The following TSLP variants were observed in gnomAD, a reference collection of about 807,000 sequenced individuals.
TSLP encodes thymic stromal lymphopoietin, also known as thymic stroma-derived lymphopoietin.
In TSLP, 12 loss-of-function variants were observed where a neutral mutation model predicts 12.4. The observed-to-expected ratio is 0.97, with a 90% confidence interval of 0.62 to 1.57. The LOEUF (loss-of-function observed/expected upper bound fraction) is 1.57. Among genes scored for constraint, TSLP ranks in the 40% most tolerant of loss-of-function variants. The pLI, the probability that TSLP is intolerant of heterozygous loss-of-function variation, is 0.00. For synonymous variants in TSLP, 97 were observed against 69.5 expected (o/e 1.40, Z -1.97); for missense variants, 222 against 189.6 (o/e 1.17, Z -1.00).
At chr5:111,073,349 C>A in intron 2 of TSLP, 162 bp from the exon 3 acceptor site, 1 of 1,471,398 alleles carries the variant, frequency 6.8e-7, no homozygotes, top group South Asian at 1.4e-5. Flanking sequence ...GCGGTTGGTT[C>A]TTCCTTGCTC....
upstream of TSLP, chr5:111,071,665 C>A: frequency 7.3e-7 from 1 of 1,368,418 alleles, no homozygotes; most frequent in Non-Finnish European, 9.8e-7. Context: ...GAGAAAAGAG[C>A]CCGTAGGCGT....
chr5:111,076,150 A>G lies in TSLP; in HGVS notation c.*76A>G. On this transcript the variant is annotated 3_prime_UTR_variant, in exon 4 of 4. Transcript: ENST00000344895. ...TTAAGTAGATGAAACATTAACTCTA[A>G]CTGTGACAAAGAAGACCACAAATAG... 6.6e-7 allele frequency: 1 copy of G among 1,504,654 alleles called. No homozygotes were observed. The highest frequency in any genetic ancestry group is 1.4e-5 in the African/African-American group (1 of 71,504). 93.2% of individuals were successfully genotyped at this position (1,504,654 alleles called of 1,614,324 possible).
chr5:111,074,962 G>C (rs1269596869), intron 3 of TSLP, among the ~76,000 whole-genome samples: 1 of 152,140 alleles, frequency 6.6e-6, no homozygotes, highest in Non-Finnish European at 1.5e-5. Flanking sequence ...CCATAGCGCT[G>C]ATCTGGGTTG....
upstream of TSLP, chr5:111,071,060 T>A (rs1160553891): frequency 5.9e-6 from 1 of 168,068 alleles, no homozygotes; most frequent in Admixed American, 6.3e-5. Context: ...AGAGTAGGCG[T>A]TTTTCCTGAA....
At chr5:111,075,208 A>AAG (rs1752465148) in intron 3 of TSLP, among the ~76,000 whole-genome samples, 1 of 152,172 alleles carries the variant, frequency 6.6e-6, no homozygotes, top group Non-Finnish European at 1.5e-5. Context: ...ACTAATAATA[A>AAG]TGATTTTGCA....
In TSLP at chr5:111,071,732, A is replaced by T; in HGVS notation, c.-159A>T. 8.2e-7 allele frequency: 1 copy of T among 1,217,054 alleles called. No individual in the cohort carries two copies. Among genetic ancestry groups the T allele is most frequent in the Non-Finnish European group, 1.1e-6 (1 of 874,052 alleles). 75.4% of individuals were successfully genotyped at this position (1,217,054 alleles called of 1,614,324 possible). On this transcript the variant is annotated 5_prime_UTR_variant, in exon 1 of 4. Transcript: ENST00000344895. ...TGGAGCATCAGGGAGACTCCAACTT[A>T]AGGCAACAGCATGGGTGAATAAGGG...
chr5:111,076,218 A>C lies in TSLP; in HGVS notation c.*144A>C, dbSNP rs1270429601. 1.0e-6 allele frequency: 1 copy of C among 990,546 alleles called. No individual in the cohort carries two copies. The highest frequency in any genetic ancestry group is 1.7e-5 in the African/African-American group (1 of 60,474). The allele number at this position is 990,546 out of a possible 1,614,324, so 61.4% of individuals were successfully genotyped here. ...AAGAGTTTCTTAACTTACTTTTGTA[A>C]GTTTTTATTGTGTAAGTTTATAATG... On this transcript the variant is annotated 3_prime_UTR_variant, in exon 4 of 4. Transcript: ENST00000344895.
At chr5:111,072,822 G>T in intron 1 of TSLP, 66 bp from the exon 2 acceptor site, 1 of 1,529,662 alleles carries the variant, frequency 6.5e-7, no homozygotes, top group South Asian at 1.1e-5. Flanking sequence ...GCAAAGGGTG[G>T]AGGGATGATT....
intron 2 of TSLP, among the ~76,000 whole-genome samples, 197 bp downstream of exon 2, chr5:111,073,129 G>A (rs187014333): frequency 3.3e-5 from 5 of 152,246 alleles, no homozygotes; most frequent in African/African-American, 1.2e-4. Flanking sequence ...AATTTAGGGA[G>A]AGGAAGTCTC....
intron 3 of TSLP, among the ~76,000 whole-genome samples, 173 bp from the exon 4 acceptor site, chr5:111,075,773 A>T (rs1337747944): frequency 6.6e-6 from 1 of 152,220 alleles, no homozygotes; most frequent in Admixed American, 6.5e-5. Context: ...GTAGGTGGGT[A>T]CAGAAACAGG....
chr5:111,075,060 T>C (rs1175699197), intron 3 of TSLP, among the ~76,000 whole-genome samples: 1 of 152,204 alleles, frequency 6.6e-6, no homozygotes, highest in Non-Finnish European at 1.5e-5. Context: ...CTGGCAAATC[T>C]GCAGATGGCT....
Position 111,071,946 on chromosome 5 carries a change from T to C in TSLP, c.56T>C (p.Ile19Thr). The part of the protein sequence containing the change: ...VLSVSFRKIF[I>T]LQLVGLVLTY... ...TCAGTTTCTTTCAGGAAAATCTTCATCTTACAACTTGTAGGGCTGGTGTTA... is the reference window on the plus strand; with the variant it reads ...TCAGTTTCTTTCAGGAAAATCTTCACCTTACAACTTGTAGGGCTGGTGTTA... The change falls in exon 1 of 4, where the codon ATC (isoleucine) becomes ACC (threonine). Residue 19 changes from isoleucine to threonine, a missense_variant. Coordinates refer to ENST00000344895, the MANE Select transcript of TSLP (RefSeq NM_033035.5). 1 of 1,614,118 alleles carries C rather than the reference T, an allele frequency of 6.2e-7. No homozygotes were observed. The highest frequency in any genetic ancestry group is 2.2e-5 in the East Asian group (1 of 44,900).
chr5:111,072,140 G>T, intron 1 of TSLP, 79 bp downstream of exon 1: 1 of 1,232,218 alleles, frequency 8.1e-7, no homozygotes. Flanking sequence ...ATTTAACTTT[G>T]TAGGAAAGAA....
intron 3 of TSLP, among the ~76,000 whole-genome samples, chr5:111,074,623 G>A (rs983583208): frequency 2.2e-5 from 3 of 134,048 alleles, no homozygotes; most frequent in Non-Finnish European, 4.6e-5. Flanking sequence ...GGACACGACT[G>A]TCACTTTTTT....
intron 2 of TSLP, chr5:111,073,215 C>G: frequency 7.9e-7 from 1 of 1,272,420 alleles, no homozygotes; most frequent in Non-Finnish European, 1.0e-6. Context: ...GGTCCGGCGC[C>G]TCCGCGCTCG....
chr5:111,071,464 C>A, upstream of TSLP: 1 of 1,537,812 alleles, frequency 6.5e-7, no homozygotes, highest in African/African-American at 1.4e-5. Context: ...GTATCCGTTT[C>A]TTAAAGGACA....
At position 111,075,995 on chromosome 5, in the gene TSLP, C is replaced by T. The variant is rs1199622706; in HGVS notation, c.401C>T (p.Thr134Ile). The change falls in exon 4 of 4, where the codon ACC (threonine) becomes ATC (isoleucine). Residue 134 changes from threonine to isoleucine, a missense_variant. Physicochemically the swap from Thr to Ile is moderately conservative, Grantham distance 89. Coordinates refer to ENST00000344895, the MANE Select transcript of TSLP (RefSeq NM_033035.5). ...AAGAGGAGAAAAAGGAAAGTCACAA[C>T]CAATAAATGTCTGGAACAAGTGTCA... ...MKKRRKRKVT[T>I]NKCLEQVSQL... 1 of 1,614,030 alleles carries T rather than the reference C, an allele frequency of 6.2e-7. No homozygotes were observed. Among genetic ancestry groups the T allele is most frequent in the Non-Finnish European group, 8.5e-7 (1 of 1,179,950 alleles).
chr5:111,074,780 T>A (rs1385231242), intron 3 of TSLP, among the ~76,000 whole-genome samples: 6 of 151,916 alleles, frequency 3.9e-5, no homozygotes, highest in Admixed American at 6.6e-5. Context: ...CCACCACGCC[T>A]GGCTAACTTT....
chr5:111,071,244 A>G (rs1178577223), upstream of TSLP: 3 of 476,068 alleles, frequency 6.3e-6, no homozygotes, highest in East Asian at 6.7e-5. Flanking sequence ...CACCCTCCAA[A>G]GCATCCCATA....
Sources: gnomAD v4.1 joint callset for allele counts (sites outside exome capture counted in the v4.1 genomes callset) on GRCh38, gnomAD v4.1.1 for gene constraint, MANE v1.5 for transcripts, NCBI Gene and HGNC (gene_info 2026-07-23, HGNC 2026-07-21) for gene names.